TAAR1: variants seen among roughly 807,000 people sequenced by gnomAD.
TAAR1 encodes trace amine-associated receptor 1.
A neutral mutation model predicts 1.2 loss-of-function variants in TAAR1; 1 was observed. The observed-to-expected ratio is 0.81, with a 90% confidence interval of 0.29 to 3.86. The LOEUF is 3.86. Ranked by LOEUF, TAAR1 falls within the 30% of genes most tolerant of loss-of-function variation. The pLI, the probability that TAAR1 is intolerant of heterozygous loss-of-function variation, is 0.18. For missense variants in TAAR1, 445 were observed against 405.6 expected, an observed-to-expected ratio of 1.10 and a Z score of -0.83; for synonymous variants, 153 against 132.2, an observed-to-expected ratio of 1.16 and a Z score of -1.08.
chr6:132,658,732 T>C (rs939871888), intron 1 of TAAR1, among the ~76,000 whole-genome samples: 66 of 152,342 alleles, frequency 4.3e-4, no homozygotes, highest in African/African-American at 1.5e-3. Context: ...CCTTACATGA[T>C]GTTAAAACTA....
In TAAR1 at chr6:132,643,615, G is replaced by A. The variant is rs937009974; in HGVS notation, c.*1369C>T. On this transcript the variant is annotated 3_prime_UTR_variant, in exon 2 of 2. Coordinates refer to ENST00000275216, the MANE Select transcript of TAAR1 (RefSeq NM_138327.4). The stretch of plus-strand genomic sequence containing the variant: ...CAGATTTGTAAACAGAAATTTATAC[G>A]CAGCAGTGTGCATTTAGTTACGTTT... Among the ~76,000 whole-genome samples, 74 of 151,854 alleles carry A rather than the reference G, an allele frequency of 4.9e-4. 1 individual carries two copies. The highest frequency in any genetic ancestry group is 4.3e-3 in the Admixed American group (65 of 15,206).
At chr6:132,647,626 A>AAGAAAG (rs1562203016) in intron 1 of TAAR1, among the ~76,000 whole-genome samples, 1 of 56,634 alleles carries the variant, frequency 1.8e-5, no homozygotes, top group South Asian at 5.3e-4. Context: ...AGAAAAAGGA[A>AAGAAAG]AGAAAGAAAG....
chr6:132,652,893 C>A (rs1037244594), intron 1 of TAAR1, among the ~76,000 whole-genome samples: 4 of 151,438 alleles, frequency 2.6e-5, no homozygotes, highest in Admixed American at 6.6e-5. Flanking sequence ...TGATATTGAA[C>A]AAAAGAGAAA....
At chr6:132,650,593 CTT>C (rs752464851) in intron 1 of TAAR1, among the ~76,000 whole-genome samples, 4 of 152,216 alleles carry the variant, frequency 2.6e-5, no homozygotes, top group Non-Finnish European at 4.4e-5. Flanking sequence ...CACCTAATGA[CTT>C]TGCATTCTGT....
chr6:132,645,775 T>C lies in TAAR1; in HGVS notation c.229A>G (p.Met77Val). The C allele has an allele frequency of 6.2e-7, 1 of 1,613,762 alleles. No individual in the cohort carries two copies. The highest frequency in any genetic ancestry group is 8.5e-7 in the Non-Finnish European group (1 of 1,179,810). The change falls in exon 2 of 2, where the codon ATG (methionine) becomes GTG (valine). Residue 77 changes from methionine to valine, a missense_variant. By Grantham distance (21) the Met-to-Val change is conservative. Coordinates refer to ENST00000275216, the MANE Select transcript of TAAR1 (RefSeq NM_138327.4). ...TVDFLLGCLVMPYSMVRSAEH... is the reference protein window; with the variant it reads ...TVDFLLGCLVVPYSMVRSAEH... ...GCAGATCTCACCATACTGTAAGGCA[T>C]GACCAGACACCCCAGAAGAAAGTCC...
chr6:132,652,866 A>C lies in TAAR1; in HGVS notation c.-127+6264T>G, dbSNP rs535272807. ...GGTAAGAACTCTATGGAAGGTGTGG[A>C]GAGTAGGTTCAATAGCTGATATTGA... On this transcript the variant is annotated intron_variant, in intron 1 of 1. Coordinates refer to ENST00000275216, the MANE Select transcript of TAAR1 (RefSeq NM_138327.4). Among the ~76,000 whole-genome samples, 20 of 151,834 alleles carry C rather than the reference A, an allele frequency of 1.3e-4. No homozygotes were observed. In the East Asian group the frequency reaches 3.9e-3, roughly 29 times the overall value.
chr6:132,654,680 T>C (rs1777784269), intron 1 of TAAR1, among the ~76,000 whole-genome samples: 1 of 152,190 alleles, frequency 6.6e-6, no homozygotes, highest in Non-Finnish European at 1.5e-5. Flanking sequence ...ACAAATTACT[T>C]GCAGAGAGGT....
Position 132,646,071 on chromosome 6 carries a change from A to C in TAAR1, c.-68T>G, listed in dbSNP as rs1477088396. On this transcript the variant is annotated 5_prime_UTR_variant, in exon 2 of 2. Transcript: ENST00000275216. ...GATTTATCTTTTTCCCAAATCCATA[A>C]TCAGGTTACAGTTCCTTCTCATGTT... The C allele has an allele frequency of 6.7e-7, 1 of 1,482,250 alleles. No homozygotes were observed. The highest frequency in any genetic ancestry group is 2.3e-5 in the East Asian group (1 of 43,746). The allele number at this position is 1,482,250 out of a possible 1,614,324, so 91.8% of individuals were successfully genotyped here.
At chr6:132,655,950 T>C (rs1046792981) in intron 1 of TAAR1, among the ~76,000 whole-genome samples, 10 of 149,210 alleles carry the variant, frequency 6.7e-5, no homozygotes, top group African/African-American at 2.4e-4. Flanking sequence ...ACAGAGGTAC[T>C]AGTTAGAGAG....
chr6:132,649,599 C>G (rs1237123843), intron 1 of TAAR1, among the ~76,000 whole-genome samples: 1 of 152,158 alleles, frequency 6.6e-6, no homozygotes, highest in Non-Finnish European at 1.5e-5. Context: ...AGGAAACTTA[C>G]AGTCATGGTA....
Position 132,645,890 on chromosome 6 carries a change from G to T in TAAR1, c.114C>A (p.Leu38=), listed in dbSNP as rs371344345. 1 of 1,613,716 alleles carries T rather than the reference G, an allele frequency of 6.2e-7. No homozygotes were observed. Among genetic ancestry groups the T allele is most frequent in the Admixed American group, 1.7e-5 (1 of 59,964 alleles). ...AAACAATAACTATCAGATTGCCAAC[G>T]AGTGTGGTCAGAATTATGAGCACCA... ...SLMVLIILTT[L]VGNLIVIVSI... Residue 38 remains leucine, a synonymous_variant, in exon 2 of 2, where the codon CTC becomes CTA. Coordinates refer to ENST00000275216, the MANE Select transcript of TAAR1 (RefSeq NM_138327.4).
At chr6:132,657,148 A>C (rs1777812755) in intron 1 of TAAR1, among the ~76,000 whole-genome samples, 1 of 152,144 alleles carries the variant, frequency 6.6e-6, no homozygotes, top group Non-Finnish European at 1.5e-5. Flanking sequence ...TTAAATTCTA[A>C]CTATCTTAAT....
chr6:132,655,831 G>A (rs540694972), intron 1 of TAAR1, among the ~76,000 whole-genome samples: 1 of 152,300 alleles, frequency 6.6e-6, no homozygotes, highest in African/African-American at 2.4e-5. Context: ...GATCACGTTT[G>A]GACATGTTTT....
intron 1 of TAAR1, among the ~76,000 whole-genome samples, chr6:132,650,233 C>A (rs1350142400): frequency 2.0e-5 from 3 of 152,192 alleles, no homozygotes; most frequent in Non-Finnish European, 4.4e-5. Flanking sequence ...GCCCTCAATT[C>A]ATTTATTTTA....
intron 1 of TAAR1, among the ~76,000 whole-genome samples, chr6:132,649,569 C>T (rs539343277): frequency 3.9e-5 from 6 of 152,204 alleles, no homozygotes; most frequent in East Asian, 1.9e-4. Context: ...CTCACAGTTC[C>T]GCAGGGCTGG....
intron 1 of TAAR1, among the ~76,000 whole-genome samples, chr6:132,656,256 G>A (rs1354419050): frequency 1.3e-5 from 2 of 152,170 alleles, no homozygotes; most frequent in Non-Finnish European, 2.9e-5. Context: ...GCTTATAATA[G>A]CATCTTGTAG....
At position 132,645,743 on chromosome 6, in the gene TAAR1, G is replaced by A. The variant is rs2114271863; in HGVS notation, c.261C>T (p.His87=). 1.2e-6 allele frequency: 2 copies of A among 1,613,748 alleles called. No homozygotes were observed. The highest frequency in any genetic ancestry group is 1.7e-6 in the Non-Finnish European group (2 of 1,179,836). ...MPYSMVRSAE[H]CWYFGEVFCK... ...AGAAGACTTCTCCAAAATACCAACA[G>A]TGCTCAGCAGATCTCACCATACTGT... The change falls in exon 2 of 2, where the codon CAC becomes CAT. Residue 87 remains histidine (H), a synonymous_variant. Coordinates refer to ENST00000275216, the MANE Select transcript of TAAR1 (RefSeq NM_138327.4).
intron 1 of TAAR1, among the ~76,000 whole-genome samples, chr6:132,647,501 G>C (rs185821838): frequency 6.7e-6 from 1 of 148,362 alleles, no homozygotes; most frequent in African/African-American, 2.5e-5. Flanking sequence ...AGGAAGAAAG[G>C]AAGGGAGGGA....
At chr6:132,649,755 A>T (rs1411733268) in intron 1 of TAAR1, among the ~76,000 whole-genome samples, 2 of 152,180 alleles carry the variant, frequency 1.3e-5, no homozygotes, top group Non-Finnish European at 2.9e-5. Flanking sequence ...AGCTTCCCCC[A>T]TCATTCAATT....
Sources: allele counts gnomAD v4.1 joint callset (sites outside exome capture counted in the v4.1 genomes callset), GRCh38; gene constraint gnomAD v4.1.1; transcripts MANE v1.5; gene names NCBI Gene and HGNC (gene_info 2026-07-23, HGNC 2026-07-21).